SLC5A6: variants seen among roughly 807,000 people sequenced by gnomAD.
SLC5A6 encodes solute carrier family 5 member 6.
In SLC5A6, 31 loss-of-function variants were observed where a neutral mutation model predicts 67.9. That is an observed-to-expected ratio of 0.46 (90% CI 0.34 to 0.62). The LOEUF (loss-of-function observed/expected upper bound fraction) is 0.62, where lower values mean the gene tolerates loss of function less well. Among genes scored for constraint, SLC5A6 ranks in the 20% least tolerant of loss-of-function variants. SLC5A6 has a pLI of 0.01. For missense variants in SLC5A6, 673 were observed against 812.8 expected (o/e 0.83, Z 2.09); for synonymous variants, 343 against 331.0 (o/e 1.04, Z -0.39).
rs750471863 is a variant in SLC5A6 at position 27,206,042 on chromosome 2, G to A, written c.563C>T (p.Thr188Ile). Residue 188 changes from threonine to isoleucine, a missense_variant, in exon 6 of 17, where the codon ACC (threonine) becomes ATC (isoleucine). Physicochemically the swap from Thr to Ile is moderately conservative, Grantham distance 89 (BLOSUM62 -1). Transcript: ENST00000310574. ...TGCACTTACCAGAGCTGTATAGACG[G>A]TACAGACAATGCCCAGGGCCAGCAC... ...LSVLALGIVC[T>I]VYTALGGLKA... 1 of 1,613,806 alleles carries A rather than the reference G, an allele frequency of 6.2e-7. No individual in the cohort carries two copies. Among genetic ancestry groups the A allele is most frequent in the Non-Finnish European group, 8.5e-7 (1 of 1,179,800 alleles).
intron 2 of SLC5A6, among the ~76,000 whole-genome samples, chr2:27,209,092 C>T (rs565580398): frequency 6.6e-6 from 1 of 152,280 alleles, no homozygotes; most frequent in South Asian, 2.1e-4. Flanking sequence ...AACCCCCCAC[C>T]ACTGACGATT....
chr2:27,200,112 G>A lies in SLC5A6; in HGVS notation c.*324C>T. 4.5e-6 allele frequency: 1 copy of A among 220,106 alleles called. No individual in the cohort carries two copies. Among genetic ancestry groups the A allele is most frequent in the South Asian group, 1.3e-4 (1 of 7,688 alleles). The allele number at this position is 220,106 out of a possible 1,614,324, so 13.6% of individuals were successfully genotyped here. A position where few individuals can be genotyped will look rare whatever the true frequency, so the allele number is the denominator to read the frequency against. On this transcript the variant is annotated 3_prime_UTR_variant, in exon 17 of 17. Transcript: ENST00000310574. ...CTGTTTCTAGCCACTTACTTCAAAG[G>A]ACTATGGCTATGTTGAATCAGAAGC...
At position 27,201,104 on chromosome 2, in the gene SLC5A6, C is replaced by T. The variant is rs141244089; in HGVS notation, c.1658G>A (p.Arg553Gln). ...LIVSLLTGRM[R>Q]GRSLNPATIY... The stretch of plus-strand genomic sequence containing the variant: ...GGTTGCAGGGTTCAGGGACCGGCCT[C>T]GCATTCTCCCTGAATGGAAATGTGC... The change falls in exon 16 of 17, where the codon CGA (arginine) becomes CAA (glutamine). Residue 553 changes from arginine to glutamine, a missense_variant. Transcript: ENST00000310574. 3,527 of 1,611,090 alleles carry T rather than the reference C, an allele frequency of 2.2e-3. 8 individuals are homozygous for T. Among genetic ancestry groups the T allele is most frequent in the Non-Finnish European group, 2.3e-3 (2,663 of 1,177,782 alleles).
At chr2:27,209,496 C>T (rs1370220523) in intron 2 of SLC5A6, among the ~76,000 whole-genome samples, 1 of 152,168 alleles carries the variant, frequency 6.6e-6, no homozygotes, top group Admixed American at 6.5e-5. Flanking sequence ...GATTAAATAA[C>T]TTGCTCAAGG....
At position 27,203,862 on chromosome 2, in the gene SLC5A6, G is replaced by A; in HGVS notation, c.1011C>T (p.Val337=). The part of the protein sequence containing the change: ...QQAQAAPDQF[V]LYFVMDLLKG... ...TCAGGAGATCCATCACAAAGTACAG[G>A]ACGAACTGCAAGCAGAGCGGAGGTA... The change falls in exon 10 of 17, where the codon GTC becomes GTT. Residue 337 remains valine, a synonymous_variant. Coordinates refer to ENST00000310574, the MANE Select transcript of SLC5A6 (RefSeq NM_021095.4). The A allele has an allele frequency of 1.2e-6, 2 of 1,613,702 alleles. No homozygotes were observed. Among genetic ancestry groups the A allele is most frequent in the Non-Finnish European group, 1.7e-6 (2 of 1,179,640 alleles).
intron 7 of SLC5A6, 66 bp downstream of exon 7, chr2:27,205,284 C>A (rs556675687): frequency 2.0e-6 from 3 of 1,520,784 alleles, no homozygotes; most frequent in Admixed American, 2.0e-5. Context: ...TAGCCAAGAC[C>A]AGCCTCTAGG....
At chr2:27,209,772 G>A (rs1674332480) in intron 2 of SLC5A6, among the ~76,000 whole-genome samples, 1 of 152,212 alleles carries the variant, frequency 6.6e-6, no homozygotes, top group South Asian at 2.1e-4. Flanking sequence ...GACACTGGCT[G>A]GCTGGCAAGA....
chr2:27,207,446 G>C lies in SLC5A6; in HGVS notation c.205C>G (p.Leu69Val), dbSNP rs756064258. 12 of 1,614,212 alleles carry C rather than the reference G, an allele frequency of 7.4e-6. 1 individual carries two copies. Among genetic ancestry groups the C allele is most frequent in the Non-Finnish European group, 9.3e-6 (11 of 1,180,046 alleles). Residue 69 changes from leucine to valine, a missense_variant, in exon 3 of 17, where the codon CTT becomes GTT. Leu to Val is a conservative substitution (Grantham distance 32). Transcript: ENST00000310574. The surrounding 1 kb of genome is among the most constrained non-coding windows in gnomAD (Gnocchi z 5.5). Reference protein sequence around the residue: ...LLMADRKMGCLPVALSLLATF... With the variant: ...LLMADRKMGCVPVALSLLATF... ...GCCAGCAGGGACAGTGCCACCGGAA[G>C]GCAGCCCATTTTGCGGTCCGCCATC...
chr2:27,207,517 T>TAG lies in SLC5A6; in HGVS notation c.132_133dup (p.Tyr45SerfsTer17). On this transcript the variant is annotated frameshift_variant, in exon 3 of 17. Coordinates refer to ENST00000310574, the MANE Select transcript of SLC5A6 (RefSeq NM_021095.4). LOFTEE classifies it high-confidence loss of function. This position sits in a 1 kb window ranked among gnomAD's most constrained non-coding sequence, Gnocchi z 5.5. ...CCGGCCCCAGCCACGACAAGCATGG[T>TAG]AGAGCCCAATGGCAAGAGAGAGAAC... is the stretch of plus-strand genomic sequence containing the variant. The TAG allele has an allele frequency of 6.2e-7, 1 of 1,614,130 alleles. No homozygotes were observed. Among genetic ancestry groups the TAG allele is most frequent in the Non-Finnish European group, 8.5e-7 (1 of 1,180,018 alleles).
chr2:27,212,244 C>T lies in SLC5A6; in HGVS notation c.-432G>A. ...GAGCTCCACGAGCAGGAAAAGCCCC[C>T]AAGCAGCCCCAGGGCGACTGGACCG... is the stretch of plus-strand genomic sequence containing the variant. On this transcript the variant is annotated 5_prime_UTR_variant, in exon 1 of 17. Coordinates refer to ENST00000310574, the MANE Select transcript of SLC5A6 (RefSeq NM_021095.4). The T allele has an allele frequency of 6.4e-7, 1 of 1,560,940 alleles. No individual in the cohort carries two copies. Among genetic ancestry groups the T allele is most frequent in the Non-Finnish European group, 8.7e-7 (1 of 1,153,090 alleles).
intron 4 of SLC5A6, 79 bp from the exon 5 acceptor site, chr2:27,206,613 A>C (rs1353649617): frequency 9.7e-6 from 13 of 1,338,716 alleles, no homozygotes; most frequent in African/African-American, 1.4e-5. Context: ...CTCAGCGCCA[A>C]TATGCCCATG....
rs771443747 is a variant in SLC5A6 at position 27,205,394 on chromosome 2, A to G, written c.690T>C (p.Arg230=). The G allele has an allele frequency of 1.9e-5, 31 of 1,614,098 alleles. No homozygotes were observed. The highest frequency in any genetic ancestry group is 6.6e-5 in the South Asian group (6 of 91,084). Residue 230 remains arginine (R), a synonymous_variant, in exon 7 of 17, where the codon CGT becomes CGC. Coordinates refer to ENST00000310574, the MANE Select transcript of SLC5A6 (RefSeq NM_021095.4). ...VGSAKVGGLG[R]VWAVASQHGR... The stretch of plus-strand genomic sequence containing the variant: ...CGTGCTGGGAAGCCACGGCCCACAC[A>G]CGCCCCAAGCCGCCCACCTTGGCTG...
At chr2:27,209,925 G>C (rs1041671702) in intron 2 of SLC5A6, among the ~76,000 whole-genome samples, 6 of 152,126 alleles carry the variant, frequency 3.9e-5, no homozygotes, top group Non-Finnish European at 7.3e-5. Flanking sequence ...ACATGCCCTG[G>C]GCCTTTGCAC....
Position 27,203,313 on chromosome 2 carries a change from G to A in SLC5A6, c.1127C>T (p.Thr376Ile). ...TCGAATCAGGTCTTCCATCGTAACA[G>A]TTGCCAATGAATTAAAAGCAGAGGA... ...TISSAFNSLA[T>I]VTMEDLIRPW... The change falls in exon 11 of 17, where the codon ACT becomes ATT. Residue 376 changes from threonine to isoleucine, a missense_variant. Transcript: ENST00000310574. The A allele has an allele frequency of 6.2e-7, 1 of 1,614,192 alleles. No homozygotes were observed. The highest frequency in any genetic ancestry group is 8.5e-7 in the Non-Finnish European group (1 of 1,180,038).
In SLC5A6 at chr2:27,201,476, C is replaced by T. The variant is rs368015240; in HGVS notation, c.1545-23G>A. On this transcript the variant is annotated intron_variant, in intron 14 of 16. Coordinates refer to ENST00000310574, the MANE Select transcript of SLC5A6 (RefSeq NM_021095.4). ...GGCCTGGGAAGAGCAGAGGTGAGAA[C>T]AATTAGCAATTCGTTGGCAGGGCAT... The T allele has an allele frequency of 7.2e-6, 11 of 1,527,988 alleles. No individual in the cohort carries two copies. The African/African-American group carries it at 8.2e-5, about 11-fold the overall frequency. 94.7% of individuals were successfully genotyped at this position (1,527,988 alleles called of 1,614,324 possible). A position where few individuals can be genotyped will look rare whatever the true frequency, so the allele number is the denominator to read the frequency against.
chr2:27,200,717 G>A, intron 16 of SLC5A6, 138 bp from the exon 17 acceptor site: 1 of 802,460 alleles, frequency 1.2e-6, no homozygotes, highest in South Asian at 1.7e-5. Context: ...GGAAAAGAGG[G>A]AGGGCATAGC....
At position 27,207,213 on chromosome 2, in the gene SLC5A6, C is replaced by T. The variant is rs779016865; in HGVS notation, c.393+45G>A. 12 of 1,597,556 alleles carry T rather than the reference C, an allele frequency of 7.5e-6. No homozygotes were observed. The highest frequency in any genetic ancestry group is 1.7e-4 in the Middle Eastern group (1 of 5,872). On this transcript the variant is annotated intron_variant, in intron 3 of 16. Transcript: ENST00000310574. This position sits in a 1 kb window ranked among gnomAD's most constrained non-coding sequence, Gnocchi z 5.5. Reference sequence around the variant, plus strand: ...CCTATGTGCCTGTCCCTCCTCTCCACCCCAACCCGTGTCCCACGCACTTCT... The same window carrying T: ...CCTATGTGCCTGTCCCTCCTCTCCATCCCAACCCGTGTCCCACGCACTTCT...
chr2:27,212,297 G>A (rs11556163), upstream of SLC5A6: 36,892 of 1,551,188 alleles, frequency 0.024, 2,376 homozygotes, highest in African/African-American at 0.24. Context: ...CCGGGGAAGA[G>A]GGCCTGACGC....
intron 16 of SLC5A6, 130 bp downstream of exon 16, chr2:27,200,867 AG>A: frequency 3.1e-6 from 2 of 649,710 alleles, no homozygotes; most frequent in Non-Finnish European, 5.4e-6. Flanking sequence ...CGTGTGGGAC[AG>A]CCTAGGCTTA....
Sources: gnomAD v4.1 joint callset for allele counts (sites outside exome capture counted in the v4.1 genomes callset) on GRCh38, gnomAD v4.1.1 for gene constraint, Gnocchi (gnomAD v3.1) non-coding constraint, MANE v1.5 for transcripts, NCBI Gene and HGNC (gene_info 2026-07-23, HGNC 2026-07-21) for gene names.